Variants in CTNND2 observed in about 807,000 individuals in gnomAD.
CTNND2 encodes the protein catenin delta-2.
In CTNND2, 22 loss-of-function variants were observed where a neutral mutation model predicts 144.4. The ratio of observed to expected loss-of-function variants is 0.15; its 90% CI spans 0.11 to 0.22. CTNND2 has a LOEUF of 0.22. Among genes scored for constraint, CTNND2 ranks in the 10% least tolerant of loss-of-function variants. CTNND2 has a pLI of 1.00. For synonymous variants in CTNND2, 751 were observed against 695.6 expected (o/e 1.08, Z -1.25); for missense variants, 1,353 against 1,618.8 (o/e 0.84, Z 2.82).
intron 3 of CTNND2, among the ~76,000 whole-genome samples, chr5:11,498,635 A>G (rs1285537403): frequency 6.6e-6 from 1 of 152,206 alleles, no homozygotes; most frequent in African/African-American, 2.4e-5. Flanking sequence ...CATCTTTTCT[A>G]GCAGCTTCCC....
At chr5:11,822,603 T>G (rs1581954077) in intron 1 of CTNND2, among the ~76,000 whole-genome samples, 1 of 152,120 alleles carries the variant, frequency 6.6e-6, no homozygotes, top group Middle Eastern at 3.4e-3. Flanking sequence ...ACAAATAAGT[T>G]ATAAAATATT....
intron 9 of CTNND2, among the ~76,000 whole-genome samples, chr5:11,283,922 G>A (rs964377965): frequency 3.3e-5 from 5 of 152,156 alleles, no homozygotes; most frequent in Non-Finnish European, 4.4e-5. Flanking sequence ...TGTTCACGTC[G>A]TCTGACGTGT....
At position 10,974,590 on chromosome 5, in the gene CTNND2, G is replaced by A. The variant is rs75775558; in HGVS notation, c.3418-877C>T. 9.8e-3 allele frequency among the ~76,000 whole-genome samples: 1,496 copies of A among 152,254 alleles called. 14 individuals are homozygous for A. The highest frequency in any genetic ancestry group is 0.015 in the Non-Finnish European group (995 of 68,018). Reference sequence around the variant, plus strand: ...CCCTGAAATGAGCAGAACCTCCCAAGGTATAGGGTGAGGTTAACCCTACAG... The same window carrying A: ...CCCTGAAATGAGCAGAACCTCCCAAAGTATAGGGTGAGGTTAACCCTACAG... On this transcript the variant is annotated intron_variant, in intron 21 of 21. Coordinates refer to ENST00000304623, the MANE Select transcript of CTNND2 (RefSeq NM_001332.4).
At chr5:11,324,072 G>A (rs1304672595) in intron 9 of CTNND2, among the ~76,000 whole-genome samples, 1 of 152,152 alleles carries the variant, frequency 6.6e-6, no homozygotes, top group Admixed American at 6.5e-5. Context: ...GTGACAGGTG[G>A]AACAGTGTGA....
intron 2 of CTNND2, among the ~76,000 whole-genome samples, chr5:11,730,541 G>T (rs1009707175): frequency 6.6e-6 from 1 of 152,094 alleles, no homozygotes; most frequent in African/African-American, 2.4e-5. Flanking sequence ...TGGTAAGATT[G>T]GTAAGATAAA....
chr5:11,563,766 G>A (rs1355092354), intron 3 of CTNND2, among the ~76,000 whole-genome samples: 1 of 151,920 alleles, frequency 6.6e-6, no homozygotes, highest in Non-Finnish European at 1.5e-5. Context: ...ACTAAGCAAT[G>A]TTAAAAAGTT....
intron 9 of CTNND2, among the ~76,000 whole-genome samples, chr5:11,306,855 T>C (rs961783230): frequency 6.6e-6 from 1 of 152,192 alleles, no homozygotes; most frequent in Non-Finnish European, 1.5e-5. Flanking sequence ...GTGCTGTCCT[T>C]AGTGACAACT....
chr5:11,730,470 C>A (rs1787323489), intron 2 of CTNND2, among the ~76,000 whole-genome samples: 1 of 152,174 alleles, frequency 6.6e-6, no homozygotes, highest in African/African-American at 2.4e-5. Flanking sequence ...CTGTTTTGAA[C>A]CCTCAGTTAT....
At chr5:11,899,398 T>C (rs1344102474) in intron 1 of CTNND2, among the ~76,000 whole-genome samples, 1 of 152,236 alleles carries the variant, frequency 6.6e-6, no homozygotes, top group East Asian at 1.9e-4. Flanking sequence ...TAGAATCTTT[T>C]ATAATAATGG....
intron 3 of CTNND2, among the ~76,000 whole-genome samples, chr5:11,467,361 G>GCT (rs1766779249): frequency 6.6e-6 from 1 of 152,208 alleles, no homozygotes; most frequent in Non-Finnish European, 1.5e-5. Flanking sequence ...GCCCTGAGAT[G>GCT]CTCTCTGTCC....
intron 2 of CTNND2, among the ~76,000 whole-genome samples, chr5:11,641,286 T>G (rs1239082893): frequency 1.3e-5 from 2 of 152,078 alleles, no homozygotes; most frequent in African/African-American, 4.8e-5. Context: ...CTTTAAAGTG[T>G]GCAATGTGAG....
intron 3 of CTNND2, among the ~76,000 whole-genome samples, chr5:11,557,579 T>C (rs1776330513): frequency 6.6e-6 from 1 of 152,154 alleles, no homozygotes; most frequent in South Asian, 2.1e-4. Flanking sequence ...AATTGAATTT[T>C]CTGAATTTTC....
chr5:11,083,233 G>A (rs559908396), intron 15 of CTNND2, among the ~76,000 whole-genome samples: 2 of 152,222 alleles, frequency 1.3e-5, no homozygotes, highest in Non-Finnish European at 2.9e-5. Context: ...TAGAAAATGA[G>A]AATGGGTTGT....
chr5:11,891,441 G>A (rs1462555599), intron 1 of CTNND2, among the ~76,000 whole-genome samples: 3 of 152,196 alleles, frequency 2.0e-5, no homozygotes. Context: ...CTCTGTTATA[G>A]ATTGAATGTT....
At chr5:11,138,565 G>A (rs77634407) in intron 12 of CTNND2, among the ~76,000 whole-genome samples, 1 of 152,200 alleles carries the variant, frequency 6.6e-6, no homozygotes, top group African/African-American at 2.4e-5. Flanking sequence ...GTGCCCTGTG[G>A]TTACCTGTGT....
chr5:11,131,842 A>C, intron 12 of CTNND2, among the ~76,000 whole-genome samples: 1 of 152,240 alleles, frequency 6.6e-6, no homozygotes, highest in East Asian at 1.9e-4. Flanking sequence ...CCCTAATTCC[A>C]CATATGCAGT....
At chr5:11,670,514 T>G (rs536820507) in intron 2 of CTNND2, among the ~76,000 whole-genome samples, 1 of 152,236 alleles carries the variant, frequency 6.6e-6, no homozygotes, top group Non-Finnish European at 1.5e-5. Flanking sequence ...TGTCCTCCTT[T>G]GTCTCTTTTG....
intron 12 of CTNND2, among the ~76,000 whole-genome samples, chr5:11,119,157 G>T (rs758065843): frequency 2.6e-5 from 4 of 152,058 alleles, no homozygotes; most frequent in Non-Finnish European, 5.9e-5. Context: ...GAAAGAAAGG[G>T]CTTCAGGCCT....
intron 8 of CTNND2, among the ~76,000 whole-genome samples, chr5:11,358,190 C>A (rs190441312): frequency 6.6e-6 from 1 of 152,246 alleles, no homozygotes; most frequent in Non-Finnish European, 1.5e-5. Flanking sequence ...CCCTAGTTGA[C>A]ATGACATTAA....
Sources: allele counts gnomAD v4.1 joint callset (sites outside exome capture counted in the v4.1 genomes callset), GRCh38; gene constraint gnomAD v4.1.1; transcripts MANE v1.5; gene names NCBI Gene and HGNC (gene_info 2026-07-23, HGNC 2026-07-21).